The following MCC variants were observed in gnomAD, a reference collection of about 807,000 sequenced individuals.
MCC encodes colorectal mutant cancer protein.
Under a neutral mutation model 116.2 loss-of-function variants are expected in MCC, and 90 were observed. That is an observed-to-expected ratio of 0.77 (90% CI 0.65 to 0.92). The LOEUF (loss-of-function observed/expected upper bound fraction) is 0.92. MCC is among the 40% of genes least tolerant of loss of function. The pLI, the probability that MCC is intolerant of heterozygous loss-of-function variation, is 0.00. For synonymous variants in MCC, 578 were observed against 510.5 expected, an observed-to-expected ratio of 1.13 and a Z score of -1.78; for missense variants, 1,516 against 1,312.2, an observed-to-expected ratio of 1.16 and a Z score of -2.40.
At chr5:113,096,835 C>G (rs1756055499) in intron 8 of MCC, among the ~76,000 whole-genome samples, 1 of 152,136 alleles carries the variant, frequency 6.6e-6, no homozygotes, top group South Asian at 2.1e-4. Flanking sequence ...GCAGAAAAAT[C>G]TAGCCTCATA....
intron 1 of MCC, among the ~76,000 whole-genome samples, chr5:113,420,384 A>G (rs1223682266): frequency 1.3e-5 from 2 of 152,226 alleles, no homozygotes; most frequent in Non-Finnish European, 2.9e-5. Context: ...TATGAAGATT[A>G]TATCAAACAA....
intron 18 of MCC, 93 bp from the exon 19 acceptor site, chr5:113,027,575 A>G (rs1466919071): frequency 1.8e-6 from 2 of 1,128,432 alleles, no homozygotes; most frequent in African/African-American, 3.1e-5. Flanking sequence ...TCTAGTGAGC[A>G]CTGCTCTGAA....
intron 3 of MCC, among the ~76,000 whole-genome samples, chr5:113,285,822 C>T (rs1214150699): frequency 1.3e-5 from 2 of 152,186 alleles, no homozygotes; most frequent in African/African-American, 2.4e-5. Flanking sequence ...TTGTTTGTTG[C>T]TGTATCCCCA....
At position 113,023,287 on chromosome 5, in the gene MCC, T is replaced by G. The variant is rs954471681; in HGVS notation, c.*4015A>C. 1.3e-5 allele frequency: 2 copies of G among 152,260 alleles called. No individual in the cohort carries two copies. Among genetic ancestry groups the G allele is most frequent in the African/African-American group, 4.8e-5 (2 of 41,466 alleles). 9.4% of individuals were successfully genotyped at this position (152,260 alleles called of 1,614,324 possible). On this transcript the variant is annotated 3_prime_UTR_variant, in exon 19 of 19. Transcript: ENST00000408903. The stretch of plus-strand genomic sequence containing the variant: ...AACTGGATAGTGAAGGCGTAACTTT[T>G]GTTTTGTAACCAGTTACGCCTCTTC...
intron 16 of MCC, chr5:113,048,702 C>T (rs1752279987): frequency 2.9e-6 from 1 of 346,348 alleles, no homozygotes; most frequent in African/African-American, 2.1e-5. Context: ...TTTCAGGCAT[C>T]TATGGGGGAT....
chr5:113,347,313 A>G (rs973712065), intron 2 of MCC, among the ~76,000 whole-genome samples: 3 of 152,172 alleles, frequency 2.0e-5, no homozygotes, highest in African/African-American at 7.2e-5. Flanking sequence ...TGAGACAGAG[A>G]GAAAGAACAA....
At chr5:113,067,905 T>C (rs763903216) in intron 13 of MCC, among the ~76,000 whole-genome samples, 175 bp downstream of exon 13, 8 of 152,260 alleles carry the variant, frequency 5.3e-5, no homozygotes, top group Non-Finnish European at 8.8e-5. Context: ...CTCCAGTTCT[T>C]GCTGCATTCA....
intron 1 of MCC, among the ~76,000 whole-genome samples, chr5:113,395,543 GA>G (rs1373758661): frequency 6.6e-6 from 1 of 152,226 alleles, no homozygotes; most frequent in East Asian, 1.9e-4. Flanking sequence ...ATATGTAATT[GA>G]CTATTCCCCT....
At chr5:113,368,781 C>A (rs575081734) in intron 2 of MCC, among the ~76,000 whole-genome samples, 3 of 152,244 alleles carry the variant, frequency 2.0e-5, no homozygotes, top group African/African-American at 7.2e-5. Flanking sequence ...ATACTATCTA[C>A]CTAGAGAGAG....
intron 1 of MCC, among the ~76,000 whole-genome samples, chr5:113,486,606 G>C (rs1393208126): frequency 6.6e-6 from 1 of 152,158 alleles, no homozygotes; most frequent in Non-Finnish European, 1.5e-5. Flanking sequence ...CGCTTCCTAA[G>C]GCCGAGGCGG....
At chr5:113,350,409 T>C (rs2150381814) in intron 2 of MCC, among the ~76,000 whole-genome samples, 2 of 152,274 alleles carry the variant, frequency 1.3e-5, no homozygotes, top group South Asian at 4.1e-4. Context: ...AGTGAATTCA[T>C]TTTTGACAAA....
At chr5:113,411,971 G>C (rs1371863851) in intron 1 of MCC, among the ~76,000 whole-genome samples, 2 of 152,190 alleles carry the variant, frequency 1.3e-5, no homozygotes, top group African/African-American at 4.8e-5. Flanking sequence ...AAGGGATCCA[G>C]TTTCAGCTTT....
At chr5:113,475,730 C>A (rs1242514338) in intron 1 of MCC, among the ~76,000 whole-genome samples, 1 of 152,112 alleles carries the variant, frequency 6.6e-6, no homozygotes, top group Non-Finnish European at 1.5e-5. Flanking sequence ...AATGTCATTC[C>A]TACTGATGCT....
intron 3 of MCC, among the ~76,000 whole-genome samples, chr5:113,191,407 T>G (rs2150313931): frequency 6.6e-6 from 1 of 152,270 alleles, no homozygotes; most frequent in South Asian, 2.1e-4. Context: ...ACATCGTTGG[T>G]CATTGTGGGG....
chr5:113,334,433 C>T (rs550131259), intron 3 of MCC, among the ~76,000 whole-genome samples: 4 of 151,284 alleles, frequency 2.6e-5, no homozygotes, highest in East Asian at 3.9e-4. Flanking sequence ...GTCAGACTCC[C>T]GGGTTCACGC....
intron 1 of MCC, among the ~76,000 whole-genome samples, chr5:113,405,951 T>G (rs1769820642): frequency 6.6e-6 from 1 of 152,218 alleles, no homozygotes; most frequent in Non-Finnish European, 1.5e-5. Context: ...AAGCATTATT[T>G]TCCTCCTGAT....
At chr5:113,374,683 T>C (rs1026339270) in intron 2 of MCC, among the ~76,000 whole-genome samples, 7 of 152,108 alleles carry the variant, frequency 4.6e-5, no homozygotes, top group African/African-American at 7.2e-5. Flanking sequence ...GTCAACTAAA[T>C]TGATGCTTGA....
rs999987037 is a variant in MCC, at chr5:113,024,615, T to C, written c.*2687A>G. On this transcript the variant is annotated 3_prime_UTR_variant, in exon 19 of 19. Coordinates refer to ENST00000408903, the MANE Select transcript of MCC (RefSeq NM_001085377.2). ...ATTCAAAATACGAAATCTGAAGGTT[T>C]TTAACCTCATATAAATTAGAATCAA... 14 of 152,324 alleles carry C rather than the reference T, an allele frequency of 9.2e-5. No individual in the cohort carries two copies. The highest frequency in any genetic ancestry group is 3.4e-4 in the African/African-American group (14 of 41,582). The allele number at this position is 152,324 out of a possible 1,614,324, so 9.4% of individuals were successfully genotyped here. A position where few individuals can be genotyped will look rare whatever the true frequency, so the allele number is the denominator to read the frequency against.
In MCC at chr5:113,488,324, T is replaced by C. The variant is rs1228204307; in HGVS notation, c.91A>G (p.Thr31Ala). ...GSGSSSSSSD[T>A]SSTGEEERMR... The stretch of plus-strand genomic sequence containing the variant: ...CTCTCCTCCTCGCCGGTGCTGGACG[T>C]GTCGCTGCTGCTGCTGCTGCTGCCG... The change falls in exon 1 of 19, where the codon ACG becomes GCG. Residue 31 changes from threonine to alanine, a missense_variant. Coordinates refer to ENST00000408903, the MANE Select transcript of MCC (RefSeq NM_001085377.2). 1.3e-6 allele frequency: 2 copies of C among 1,561,602 alleles called. No homozygotes were observed. The highest frequency in any genetic ancestry group is 1.7e-6 in the Non-Finnish European group (2 of 1,159,692).
Sources: gnomAD v4.1 joint callset for allele counts (sites outside exome capture counted in the v4.1 genomes callset) on GRCh38, gnomAD v4.1.1 for gene constraint, MANE v1.5 for transcripts, NCBI Gene and HGNC (gene_info 2026-07-23, HGNC 2026-07-21) for gene names.